CCDC69: variants seen among roughly 807,000 people sequenced by gnomAD.
CCDC69 encodes the protein coiled-coil domain containing 69.
In CCDC69, 38 loss-of-function variants were observed where a neutral mutation model predicts 40.3. The ratio of observed to expected loss-of-function variants is 0.94; its 90% CI spans 0.73 to 1.24. The LOEUF (loss-of-function observed/expected upper bound fraction) is 1.24. CCDC69 is among the 50% of genes most tolerant of loss of function. The pLI is 0.00. For synonymous variants in CCDC69, 141 were observed against 138.9 expected (o/e 1.02, Z -0.11); for missense variants, 389 against 357.9 (o/e 1.09, Z -0.70).
intron 5 of CCDC69, 116 bp from the exon 6 acceptor site, chr5:151,186,240 C>T (rs1159926402): frequency 1.4e-6 from 1 of 736,270 alleles, no homozygotes; most frequent in South Asian, 1.5e-5. Flanking sequence ...TCTTTGGCTA[C>T]TCTACATGAC....
intron 1 of CCDC69, among the ~76,000 whole-genome samples, chr5:151,218,905 T>C (rs554136970): frequency 7.2e-4 from 109 of 152,326 alleles, no homozygotes; most frequent in African/African-American, 2.6e-3. Context: ...GCAGAAAATA[T>C]ATCACCAAAG....
intron 3 of CCDC69, among the ~76,000 whole-genome samples, 161 bp downstream of exon 3, chr5:151,201,421 T>G (rs1752774346): frequency 6.6e-6 from 1 of 152,130 alleles, no homozygotes; most frequent in Non-Finnish European, 1.5e-5. Flanking sequence ...CACAGTGCCC[T>G]GATAAAAATA....
At position 151,220,889 on chromosome 5, in the gene CCDC69, G is replaced by A. The variant is rs1031628254; in HGVS notation, c.48+3034C>T. On this transcript the variant is annotated intron_variant, in intron 1 of 8. Transcript: ENST00000355417. ...TACCACTGTGGCTGGCAACTCCCCA[G>A]AAGGCTTGTTTCCTTGACCCCTACC... Among the ~76,000 whole-genome samples, 180 of 152,032 alleles carry A rather than the reference G, an allele frequency of 1.2e-3. 1 individual carries two copies. The highest frequency in any genetic ancestry group is 4.2e-3 in the African/African-American group (174 of 41,398).
chr5:151,220,759 G>T (rs1464110808), intron 1 of CCDC69, among the ~76,000 whole-genome samples: 2 of 151,426 alleles, frequency 1.3e-5, no homozygotes, highest in Admixed American at 6.6e-5. Flanking sequence ...CACAAAGGGG[G>T]TTGGCCACGA....
intron 1 of CCDC69, among the ~76,000 whole-genome samples, chr5:151,216,519 C>A (rs1049844593): frequency 5.3e-5 from 8 of 149,626 alleles, no homozygotes; most frequent in African/African-American, 2.0e-4. Flanking sequence ...CAGGTTCCAG[C>A]GATTCTCCTG....
chr5:151,219,921 T>C (rs1753111141), intron 1 of CCDC69, among the ~76,000 whole-genome samples: 1 of 152,130 alleles, frequency 6.6e-6, no homozygotes, highest in African/African-American at 2.4e-5. Flanking sequence ...TCACTACCCT[T>C]TGAGGCCTTT....
rs17851409 is a variant in CCDC69 at position 151,183,514 on chromosome 5, C to G, written c.814G>C (p.Val272Leu). The G allele has an allele frequency of 2.5e-6, 4 of 1,608,996 alleles. No individual in the cohort carries two copies. The East Asian group carries it at 8.9e-5, about 36-fold the overall frequency. Residue 272 changes from valine (V) to leucine (L), a missense_variant, in exon 9 of 9, where the codon GTC becomes CTC. Physicochemically the swap from Val to Leu is conservative, Grantham distance 32. Coordinates refer to ENST00000355417, the MANE Select transcript of CCDC69 (RefSeq NM_015621.3). ...QQEKEELLYR[V>L]LGANASPAFP... ...GCAGGCGAGGCATTGGCCCCAAGGA[C>G]CCGGTACAACAGCTCCTCCTTCTCC... is the stretch of plus-strand genomic sequence containing the variant.
chr5:151,224,037 GC>G lies in CCDC69; in HGVS notation c.-68del. On this transcript the variant is annotated 5_prime_UTR_variant, in exon 1 of 9. Coordinates refer to ENST00000355417, the MANE Select transcript of CCDC69 (RefSeq NM_015621.3). ...GCCCCCAGAGGAGCCTGCGATCCGG[GC>G]CCCGCTGCCCGCTCCGCGCCCGCCG... 1 of 1,374,586 alleles carries G rather than the reference GC, an allele frequency of 7.3e-7. No homozygotes were observed. The highest frequency in any genetic ancestry group is 1.4e-5 in the South Asian group (1 of 73,942). The allele number at this position is 1,374,586 out of a possible 1,614,324, so 85.1% of individuals were successfully genotyped here.
rs1360317220 is a variant in CCDC69, at chr5:151,204,565, C to A, written c.124+835G>T. 2.6e-5 allele frequency among the ~76,000 whole-genome samples: 4 copies of A among 152,280 alleles called. 1 individual carries two copies. Among genetic ancestry groups the A allele is most frequent in the Middle Eastern group, 6.8e-3 (2 of 294 alleles). ...CCTGCATGTTGCTGCTACCCTGAGG[C>A]CTTAATACTGACCTCTGTATCACAC... On this transcript the variant is annotated intron_variant, in intron 2 of 8. Coordinates refer to ENST00000355417, the MANE Select transcript of CCDC69 (RefSeq NM_015621.3).
At chr5:151,206,204 T>C (rs776430960) in intron 1 of CCDC69, among the ~76,000 whole-genome samples, 68 of 152,094 alleles carry the variant, frequency 4.5e-4, no homozygotes, top group South Asian at 8.3e-4. Flanking sequence ...TTGTAAAGGA[T>C]AGTACGAAGG....
intron 2 of CCDC69, among the ~76,000 whole-genome samples, chr5:151,204,289 C>T (rs1752824153): frequency 6.6e-6 from 1 of 152,174 alleles, no homozygotes; most frequent in Non-Finnish European, 1.5e-5. Context: ...TCCACCTTGG[C>T]CTCCCAAAGT....
In CCDC69 at chr5:151,182,725, TA is replaced by T. The variant is rs1312549904; in HGVS notation, c.*711del. 3.3e-6 allele frequency: 1 copy of T among 299,298 alleles called. No homozygotes were observed. Among genetic ancestry groups the T allele is most frequent in the Non-Finnish European group, 6.6e-6 (1 of 150,692 alleles). The allele number at this position is 299,298 out of a possible 1,614,324, so 18.5% of individuals were successfully genotyped here. A position where few individuals can be genotyped will look rare whatever the true frequency, so the allele number is the denominator to read the frequency against. On this transcript the variant is annotated 3_prime_UTR_variant, in exon 9 of 9. Transcript: ENST00000355417. ...GGCTGAGGGGATGCACCTTGCCTGG[TA>T]AAGGAAGAGGAGCTCTGGCTACTGT... is the stretch of plus-strand genomic sequence containing the variant.
At chr5:151,194,447 A>G (rs534767207) in intron 4 of CCDC69, among the ~76,000 whole-genome samples, 34 of 152,384 alleles carry the variant, frequency 2.2e-4, no homozygotes, top group Middle Eastern at 6.8e-3. Flanking sequence ...TTTATGTAAT[A>G]GCCTAGAAAA....
intron 4 of CCDC69, among the ~76,000 whole-genome samples, chr5:151,191,164 A>T (rs549533279): frequency 6.6e-6 from 1 of 152,186 alleles, no homozygotes; most frequent in South Asian, 2.1e-4. Context: ...AATAGATGTT[A>T]TAGGTAGGTA....
chr5:151,184,377 TGGA>T lies in CCDC69; in HGVS notation c.677_679del (p.Leu226del). ...GACCACCTGGTTGCGGCTTCGGACA[TGGA>T]GGTCCTCATTTTCCTGTTGCAGGGT... On this transcript the variant is annotated inframe_deletion, in exon 8 of 9. Coordinates refer to ENST00000355417, the MANE Select transcript of CCDC69 (RefSeq NM_015621.3). 6.2e-7 allele frequency: 1 copy of T among 1,614,114 alleles called. No homozygotes were observed. Among genetic ancestry groups the T allele is most frequent in the Non-Finnish European group, 8.5e-7 (1 of 1,180,004 alleles).
chr5:151,197,644 G>A (rs1179405930), intron 4 of CCDC69, among the ~76,000 whole-genome samples: 1 of 151,934 alleles, frequency 6.6e-6, no homozygotes, highest in African/African-American at 2.4e-5. Context: ...TGTCACTAAT[G>A]GTAAATCTTA....
intron 1 of CCDC69, among the ~76,000 whole-genome samples, chr5:151,218,774 A>C (rs761858812): frequency 6.6e-6 from 1 of 152,234 alleles, no homozygotes; most frequent in Non-Finnish European, 1.5e-5. Context: ...CCCAAGCCTA[A>C]CAGCCAACTG....
rs750353577 is a variant in CCDC69 at position 151,193,846 on chromosome 5, G to C, written c.319+5151C>G. ...AGGAGAAAATATGTGCAAATACAAA[G>C]AACTCTTGTCCAAAATATATAAAGA... On this transcript the variant is annotated intron_variant, in intron 4 of 8. Transcript: ENST00000355417. Among the ~76,000 whole-genome samples, 3 of 152,200 alleles carry C rather than the reference G, an allele frequency of 2.0e-5. No homozygotes were observed. In the East Asian group the frequency reaches 5.8e-4, roughly 29 times the overall value.
chr5:151,224,080 A>C lies in CCDC69; in HGVS notation c.-110T>G, dbSNP rs1323763742. 1.3e-5 allele frequency: 13 copies of C among 980,588 alleles called. No homozygotes were observed. The highest frequency in any genetic ancestry group is 2.9e-6 in the Non-Finnish European group (2 of 696,088). The allele number at this position is 980,588 out of a possible 1,614,324, so 60.7% of individuals were successfully genotyped here. On this transcript the variant is annotated 5_prime_UTR_variant, in exon 1 of 9. Coordinates refer to ENST00000355417, the MANE Select transcript of CCDC69 (RefSeq NM_015621.3). The stretch of plus-strand genomic sequence containing the variant: ...CGCCCGCCGGCTGGGGCTGCCGGCG[A>C]GACCCTGAAACTGAACCTGGAAGCG...
Sources: allele counts gnomAD v4.1 joint callset (sites outside exome capture counted in the v4.1 genomes callset), GRCh38; gene constraint gnomAD v4.1.1; transcripts MANE v1.5; gene names NCBI Gene and HGNC (gene_info 2026-07-23, HGNC 2026-07-21).